AKAP6: variants seen among roughly 807,000 people sequenced by gnomAD.
AKAP6 encodes the protein A-kinase anchor protein 6.
In AKAP6, 58 loss-of-function variants were observed where a neutral mutation model predicts 188.5. That is an observed-to-expected ratio of 0.31 (90% CI 0.25 to 0.38). The LOEUF (loss-of-function observed/expected upper bound fraction) is 0.38. AKAP6 is among the 10% of genes least tolerant of loss of function. The pLI, the probability that AKAP6 is intolerant of heterozygous loss-of-function variation, is 1.00. For missense variants in AKAP6, 2,710 were observed against 2,740.0 expected (o/e 0.99, Z 0.24); for synonymous variants, 989 against 998.6 (o/e 0.99, Z 0.18).
At chr14:32,621,886 T>A (rs1057153725) in intron 7 of AKAP6, among the ~76,000 whole-genome samples, 1 of 152,154 alleles carries the variant, frequency 6.6e-6, no homozygotes, top group Non-Finnish European at 1.5e-5. Context: ...ATGATAAGTG[T>A]GACAGATGTA....
intron 4 of AKAP6, among the ~76,000 whole-genome samples, chr14:32,552,181 A>G (rs1883504888): frequency 6.6e-6 from 1 of 152,204 alleles, no homozygotes. Flanking sequence ...GAGGAAACTG[A>G]GTTTAGAAAG....
At chr14:32,451,112 C>T (rs1056957035) in intron 2 of AKAP6, among the ~76,000 whole-genome samples, 5 of 152,114 alleles carry the variant, frequency 3.3e-5, no homozygotes, top group African/African-American at 1.2e-4. Context: ...CTACTTTGTG[C>T]AGGTCTGAAA....
intron 2 of AKAP6, among the ~76,000 whole-genome samples, chr14:32,501,549 G>A (rs929733509): frequency 4.6e-5 from 7 of 152,080 alleles, no homozygotes; most frequent in African/African-American, 1.7e-4. Context: ...CAGGGCACCT[G>A]GAAAATGTCA....
At chr14:32,722,149 T>C (rs749575232) in intron 9 of AKAP6, among the ~76,000 whole-genome samples, 1 of 152,210 alleles carries the variant, frequency 6.6e-6, no homozygotes, top group Non-Finnish European at 1.5e-5. Context: ...ATTTGCCCTC[T>C]TAGCTGAATA....
At chr14:32,375,764 G>T (rs886328733) in intron 1 of AKAP6, among the ~76,000 whole-genome samples, 12 of 152,148 alleles carry the variant, frequency 7.9e-5, no homozygotes, top group African/African-American at 2.9e-4. Context: ...AAAATAATTT[G>T]CTGAAGGTCT....
chr14:32,669,638 G>A (rs900924027), intron 7 of AKAP6, among the ~76,000 whole-genome samples: 2 of 152,170 alleles, frequency 1.3e-5, no homozygotes, highest in Non-Finnish European at 2.9e-5. Flanking sequence ...TTCTCACGCT[G>A]CTAATAGACA....
chr14:32,354,145 T>C (rs1465425521), intron 1 of AKAP6, among the ~76,000 whole-genome samples: 3 of 151,972 alleles, frequency 2.0e-5, no homozygotes, highest in Middle Eastern at 3.2e-3. Context: ...GAGCCCACAT[T>C]GCCAAGTCAA....
intron 7 of AKAP6, among the ~76,000 whole-genome samples, chr14:32,631,611 G>A (rs1887276609): frequency 1.3e-5 from 2 of 152,012 alleles, no homozygotes. Context: ...CAGTGCTTCA[G>A]ATTTCTTTGC....
intron 12 of AKAP6, among the ~76,000 whole-genome samples, chr14:32,817,720 A>G (rs896542591): frequency 6.6e-6 from 1 of 152,172 alleles, no homozygotes; most frequent in Non-Finnish European, 1.5e-5. Flanking sequence ...ATTTAGATTT[A>G]TCACTATATC....
chr14:32,658,986 T>C (rs1388742654), intron 7 of AKAP6, among the ~76,000 whole-genome samples: 1 of 152,110 alleles, frequency 6.6e-6, no homozygotes, highest in African/African-American at 2.4e-5. Context: ...TTGTGTCCTT[T>C]GCTAACTAGA....
At chr14:32,684,743 G>GT (rs4007534) in intron 8 of AKAP6, among the ~76,000 whole-genome samples, 45,649 of 148,706 alleles carry the variant, frequency 0.31, 7,101 homozygotes, top group South Asian at 0.39. Flanking sequence ...TGTACTTCAT[G>GT]TTTTTTTTTT....
At chr14:32,525,684 T>C (rs1029207438) in intron 2 of AKAP6, among the ~76,000 whole-genome samples, 6 of 152,212 alleles carry the variant, frequency 3.9e-5, no homozygotes, top group African/African-American at 1.4e-4. Context: ...AAATTTAAGC[T>C]ACTATTTGCT....
Position 32,823,258 on chromosome 14 carries a change from T to G in AKAP6, c.5445T>G (p.Asp1815Glu). 2.5e-6 allele frequency: 4 copies of G among 1,613,560 alleles called. No homozygotes were observed. Among genetic ancestry groups the G allele is most frequent in the Non-Finnish European group, 3.4e-6 (4 of 1,179,848 alleles). ...WIRPKLSLTR[D>E]KKRCNVSDEM... Reference sequence around the variant, plus strand: ...GGCCAAAATTGTCTTTGACAAGAGATAAGAAAAGGTGCAATGTCAGTGATG... The same window carrying G: ...GGCCAAAATTGTCTTTGACAAGAGAGAAGAAAAGGTGCAATGTCAGTGATG... The change falls in exon 13 of 14, where the codon GAT becomes GAG. Residue 1815 changes from aspartate to glutamate, a missense_variant. Physicochemically the swap from Asp to Glu is conservative, Grantham distance 45 (BLOSUM62 2). Around this residue, in one of 2 missense-constraint regions of AKAP6, gnomAD observed 2,473 missense variants for 2,426.1 expected, o/e 1.02. Transcript: ENST00000280979.
intron 2 of AKAP6, among the ~76,000 whole-genome samples, chr14:32,481,944 A>C (rs558488602): frequency 6.6e-6 from 1 of 152,098 alleles, no homozygotes; most frequent in African/African-American, 2.4e-5. Flanking sequence ...TTAAGGACTC[A>C]TTGTTATGGG....
At chr14:32,695,141 A>G (rs1392122772) in intron 8 of AKAP6, among the ~76,000 whole-genome samples, 1 of 152,232 alleles carries the variant, frequency 6.6e-6, no homozygotes, top group African/African-American at 2.4e-5. Context: ...GTTGAAAACC[A>G]TAGTGATCCT....
At chr14:32,704,692 AAG>A (rs1220621362) in intron 9 of AKAP6, among the ~76,000 whole-genome samples, 3 of 152,212 alleles carry the variant, frequency 2.0e-5, no homozygotes, top group Admixed American at 1.3e-4. Context: ...TGTTTAAAAA[AAG>A]AGTATCAAAA....
At chr14:32,689,778 G>A (rs1890092789) in intron 8 of AKAP6, among the ~76,000 whole-genome samples, 1 of 151,980 alleles carries the variant, frequency 6.6e-6, no homozygotes, top group Admixed American at 6.6e-5. Flanking sequence ...TCTATTATTA[G>A]TATTTTACTT....
intron 9 of AKAP6, among the ~76,000 whole-genome samples, chr14:32,725,012 A>AAAAC (rs2030790006): frequency 6.7e-6 from 1 of 150,184 alleles, no homozygotes; most frequent in Non-Finnish European, 1.5e-5. Flanking sequence ...AAAAAAAAAA[A>AAAAC]AAAAACAATT....
At chr14:32,427,733 T>C (rs1161054011) in intron 1 of AKAP6, among the ~76,000 whole-genome samples, 1 of 152,192 alleles carries the variant, frequency 6.6e-6, no homozygotes, top group Non-Finnish European at 1.5e-5. Context: ...GGCCAGAGGA[T>C]TTTTTTATTT....
Sources: gnomAD v4.1 joint callset for allele counts (sites outside exome capture counted in the v4.1 genomes callset) on GRCh38, gnomAD v4.1.1 for gene constraint, gnomAD v4.1.1 regional missense constraint, MANE v1.5 for transcripts, NCBI Gene and HGNC (gene_info 2026-07-23, HGNC 2026-07-21) for gene names.